RASGRF1: variants seen among roughly 807,000 people sequenced by gnomAD.
RASGRF1 encodes ras-specific guanine nucleotide-releasing factor 1.
A neutral mutation model predicts 138.7 loss-of-function variants in RASGRF1; 40 were observed. The ratio of observed to expected loss-of-function variants is 0.29; its 90% CI spans 0.22 to 0.38. The LOEUF is 0.38. RASGRF1 is among the 10% of genes least tolerant of loss of function. The pLI is 1.00. For synonymous variants in RASGRF1, 614 were observed against 663.2 expected, an observed-to-expected ratio of 0.93 and a Z score of 1.14; for missense variants, 1,108 against 1,650.4, an observed-to-expected ratio of 0.67 and a Z score of 5.69.
At chr15:79,035,441 C>T (rs538066036) in intron 5 of RASGRF1, among the ~76,000 whole-genome samples, 1 of 152,384 alleles carries the variant, frequency 6.6e-6, no homozygotes, top group South Asian at 2.1e-4. Flanking sequence ...CAGATGGTGA[C>T]AGCACAGCAT....
intron 12 of RASGRF1, 77 bp from the exon 13 acceptor site, chr15:79,015,486 T>A: frequency 7.5e-7 from 1 of 1,328,558 alleles, no homozygotes; most frequent in African/African-American, 1.4e-5. Flanking sequence ...CTGCCAACTG[T>A]AAAGTTCACA....
At chr15:78,989,420 G>A (rs567264756) in intron 22 of RASGRF1, among the ~76,000 whole-genome samples, 154 of 152,030 alleles carry the variant, frequency 1.0e-3, no homozygotes, top group African/African-American at 3.5e-3. Flanking sequence ...AGATTCAGGA[G>A]CCTTAGTCTC....
At chr15:79,034,976 ACTTGT>A (rs2141006213) in intron 6 of RASGRF1, among the ~76,000 whole-genome samples, 150 bp downstream of exon 6, 1 of 152,348 alleles carries the variant, frequency 6.6e-6, no homozygotes, top group South Asian at 2.1e-4. Context: ...GCATTTGCCA[ACTTGT>A]CTTTTCTCTT....
Position 79,046,260 on chromosome 15 carries a change from CTTTAG to C in RASGRF1, c.878+481_878+485del, listed in dbSNP as rs1199433019. Among the ~76,000 whole-genome samples, 1 of 152,200 alleles carries C rather than the reference CTTTAG, an allele frequency of 6.6e-6. No homozygotes were observed. Among genetic ancestry groups the C allele is most frequent in the Non-Finnish European group, 1.5e-5 (1 of 68,036 alleles). ...GGTATCAAGGTCAAAGAATAAGGTA[CTTTAG>C]TTTACGTTTTGTAGCTTGATTTATA... On this transcript the variant is annotated intron_variant, in intron 5 of 26. Coordinates refer to ENST00000558480, the MANE Select transcript of RASGRF1 (RefSeq NM_001145648.3). This position sits in a 1 kb window ranked among gnomAD's most constrained non-coding sequence, Gnocchi z 5.3.
At position 78,982,170 on chromosome 15, in the gene RASGRF1, AC is replaced by A. The variant is rs1449312388; in HGVS notation, c.3415-1472del. 2.6e-5 allele frequency among the ~76,000 whole-genome samples: 4 copies of A among 152,292 alleles called. No individual in the cohort carries two copies. In the East Asian group the frequency reaches 7.7e-4, roughly 29 times the overall value. On this transcript the variant is annotated intron_variant, in intron 23 of 26. Transcript: ENST00000558480. ...AAGTCCAGGTGTTCCCTAAGGCAAT[AC>A]TAGCTCAGATACTCTAGAATTGTGG... is the stretch of plus-strand genomic sequence containing the variant.
At chr15:78,969,980 G>A (rs191811162) in intron 26 of RASGRF1, among the ~76,000 whole-genome samples, 9 of 152,306 alleles carry the variant, frequency 5.9e-5, no homozygotes, top group Admixed American at 3.9e-4. Context: ...TTAACTAATT[G>A]TAGTTAGTCC....
At position 78,977,117 on chromosome 15, in the gene RASGRF1, CAGCTGCCCATGCTCTACA is replaced by C. The variant is rs560930677; in HGVS notation, c.3494+3485_3494+3502del. Among the ~76,000 whole-genome samples the C allele has an allele frequency of 4.6e-3, 699 of 152,264 alleles. 7 individuals are homozygous for C. Among genetic ancestry groups the C allele is most frequent in the African/African-American group, 0.016 (678 of 41,550 alleles). On this transcript the variant is annotated intron_variant, in intron 24 of 26. Coordinates refer to ENST00000558480, the MANE Select transcript of RASGRF1 (RefSeq NM_001145648.3). The stretch of plus-strand genomic sequence containing the variant: ...GGGACCAGCTGCTGCTGGCAAGAGG[CAGCTGCCCATGCTCTACA>C]CCAAACTCCAGGAAACCAACCCGAG...
chr15:79,072,884 G>C (rs2057781236), intron 1 of RASGRF1, among the ~76,000 whole-genome samples: 1 of 152,176 alleles, frequency 6.6e-6, no homozygotes, highest in African/African-American at 2.4e-5. Context: ...ACCAACCAGA[G>C]CTACCCAGAG....
chr15:79,043,887 A>C (rs1053260459), intron 5 of RASGRF1, among the ~76,000 whole-genome samples: 4 of 152,302 alleles, frequency 2.6e-5, no homozygotes, highest in African/African-American at 9.6e-5. Context: ...TTTCTGACAA[A>C]GGGTTACTCT....
intron 9 of RASGRF1, among the ~76,000 whole-genome samples, chr15:79,026,865 G>T (rs1019307210): frequency 8.5e-5 from 13 of 152,190 alleles, no homozygotes; most frequent in African/African-American, 3.1e-4. Flanking sequence ...GGCAGGGCTG[G>T]CTCTGAGCTC....
At chr15:79,049,643 G>C (rs1458305620) in intron 3 of RASGRF1, 55 bp from the exon 4 acceptor site, 12 of 1,504,302 alleles carry the variant, frequency 8.0e-6, no homozygotes, top group Non-Finnish European at 1.1e-5. Context: ...AGAGGCCCCA[G>C]GTCTTTGGCC....
intron 3 of RASGRF1, among the ~76,000 whole-genome samples, chr15:79,054,724 T>C (rs2057487257): frequency 6.6e-6 from 1 of 152,244 alleles, no homozygotes; most frequent in Non-Finnish European, 1.5e-5. Context: ...CAACCTCTGT[T>C]GTTTTAAGAC....
At chr15:79,062,947 G>A (rs1010671870) in intron 2 of RASGRF1, among the ~76,000 whole-genome samples, 9 of 151,016 alleles carry the variant, frequency 6.0e-5, no homozygotes, top group Non-Finnish European at 7.4e-5. Context: ...TGTTGTTGTC[G>A]TAGGGGGGTG....
chr15:79,082,515 G>C (rs2057927033), intron 1 of RASGRF1, among the ~76,000 whole-genome samples: 1 of 152,224 alleles, frequency 6.6e-6, no homozygotes, highest in Admixed American at 6.5e-5. Flanking sequence ...TGCTGATGGA[G>C]ATCTGGGGGT....
rs374099880 is a variant in RASGRF1 at position 79,090,542 on chromosome 15, C to A, written c.-44G>T. 13 of 1,590,716 alleles carry A rather than the reference C, an allele frequency of 8.2e-6. No individual in the cohort carries two copies. In the African/African-American group the frequency reaches 1.6e-4, roughly 20 times the overall value. The stretch of plus-strand genomic sequence containing the variant: ...AGACCCCACGCGCTTACATCTTCTC[C>A]GCGCAGCAGCCCCCCGTCCGTGCGC... On this transcript the variant is annotated 5_prime_UTR_variant, in exon 1 of 27. Coordinates refer to ENST00000558480, the MANE Select transcript of RASGRF1 (RefSeq NM_001145648.3).
Position 79,032,007 on chromosome 15 carries a change from G to A in RASGRF1, c.1152+116C>T, listed in dbSNP as rs1198610955. On this transcript the variant is annotated intron_variant, in intron 7 of 26. Transcript: ENST00000558480. The surrounding 1 kb of genome is among the most constrained non-coding windows in gnomAD (Gnocchi z 4.5). ...GCTGCTGGCCCTGACCACCTCCCCCGCCCCCTTTGGCAGCCCAGAGCTGGG... is the reference window on the plus strand; with the variant it reads ...GCTGCTGGCCCTGACCACCTCCCCCACCCCCTTTGGCAGCCCAGAGCTGGG... 12 of 1,225,288 alleles carry A rather than the reference G, an allele frequency of 9.8e-6. No individual in the cohort carries two copies. The highest frequency in any genetic ancestry group is 6.1e-5 in the South Asian group (4 of 65,098). 75.9% of individuals were successfully genotyped at this position (1,225,288 alleles called of 1,614,324 possible).
chr15:79,076,054 T>G (rs951950828), intron 1 of RASGRF1, among the ~76,000 whole-genome samples: 3 of 152,246 alleles, frequency 2.0e-5, no homozygotes, highest in African/African-American at 7.2e-5. Context: ...CAGCTGTATA[T>G]GTGCTTTTGG....
chr15:79,090,585 T>C lies in RASGRF1; in HGVS notation c.-87A>G. On this transcript the variant is annotated 5_prime_UTR_variant, in exon 1 of 27. Coordinates refer to ENST00000558480, the MANE Select transcript of RASGRF1 (RefSeq NM_001145648.3). ...CCGTGCGCGCTGCGCGCTGCCTCTC[T>C]CTGGCGCTCGCTCGCTCGCTCCCTC... 1 of 1,548,480 alleles carries C rather than the reference T, an allele frequency of 6.5e-7. No individual in the cohort carries two copies.
intron 19 of RASGRF1, 91 bp downstream of exon 19, chr15:78,998,005 C>G: frequency 8.7e-7 from 1 of 1,144,916 alleles, no homozygotes; most frequent in Non-Finnish European, 1.3e-6. Context: ...CTCTTCACCT[C>G]CCGGGCCTCT....
Sources: gnomAD v4.1 joint callset for allele counts (sites outside exome capture counted in the v4.1 genomes callset) on GRCh38, gnomAD v4.1.1 for gene constraint, Gnocchi (gnomAD v3.1) non-coding constraint, MANE v1.5 for transcripts, NCBI Gene and HGNC (gene_info 2026-07-23, HGNC 2026-07-21) for gene names.